SPMIP11: variants seen among roughly 807,000 people sequenced by gnomAD.
SPMIP11 encodes sperm microtubule inner protein 11.
the SPMIP11 span, among the ~76,000 whole-genome samples, chr12:48,757,167 G>C: frequency 6.6e-6 from 1 of 152,020 alleles, no homozygotes; most frequent in Non-Finnish European, 1.5e-5. Context: ...AGAATGGATG[G>C]AACAGCCAAG....
chr12:48,732,186 T>A, the SPMIP11 span, among the ~76,000 whole-genome samples: 1 of 151,786 alleles, frequency 6.6e-6, no homozygotes, highest in East Asian at 1.9e-4. Flanking sequence ...CAAACCCCAT[T>A]GGAGTTATTG....
At chr12:48,770,499 C>T in the SPMIP11 span, among the ~76,000 whole-genome samples, 2 of 152,290 alleles carry the variant, frequency 1.3e-5, no homozygotes. Flanking sequence ...GTTGTTTGAC[C>T]TTGGGCAAGT....
chr12:48,759,363 AG>A, the SPMIP11 span: 13 of 701,614 alleles, frequency 1.9e-5, no homozygotes, highest in Non-Finnish European at 3.4e-5. Flanking sequence ...TCATGCTAGG[AG>A]AAAAAAAGAT....
the SPMIP11 span, among the ~76,000 whole-genome samples, chr12:48,749,079 T>C: frequency 6.6e-6 from 1 of 151,624 alleles, no homozygotes; most frequent in East Asian, 2.0e-4. Flanking sequence ...CTGACCAACA[T>C]GGTGAAACCC....
the SPMIP11 span, among the ~76,000 whole-genome samples, chr12:48,742,853 C>A: frequency 6.6e-6 from 1 of 151,818 alleles, no homozygotes; most frequent in Non-Finnish European, 1.5e-5. Context: ...CCATTGCACT[C>A]CAGACTGGGC....
At chr12:48,736,062 T>A in the SPMIP11 span, 8 of 449,964 alleles carry the variant, frequency 1.8e-5, 1 homozygote, top group Middle Eastern at 2.6e-3. Flanking sequence ...CACTGTAACT[T>A]TTCCTTTCAT....
the SPMIP11 span, chr12:48,768,792 G>C: frequency 1.5e-5 from 23 of 1,579,782 alleles, no homozygotes; most frequent in Non-Finnish European, 1.9e-5. Flanking sequence ...GGGTTCTCTA[G>C]TCAGGCTAGC....
the SPMIP11 span, among the ~76,000 whole-genome samples, chr12:48,753,338 C>T: frequency 2.0e-5 from 3 of 152,230 alleles, no homozygotes; most frequent in Non-Finnish European, 4.4e-5. Flanking sequence ...CTCACTCCAG[C>T]TTATCCCACT....
At chr12:48,765,705 G>A in the SPMIP11 span, 1 of 702,122 alleles carries the variant, frequency 1.4e-6, no homozygotes, top group Non-Finnish European at 2.6e-6. Flanking sequence ...GAGTGCAGAG[G>A]GGGAAAGAAG....
the SPMIP11 span, among the ~76,000 whole-genome samples, chr12:48,733,290 G>A: frequency 2.6e-5 from 4 of 152,004 alleles, no homozygotes; most frequent in East Asian, 7.8e-4. Context: ...GGCCAGGCTG[G>A]TCTCAAACTC....
the SPMIP11 span, among the ~76,000 whole-genome samples, chr12:48,756,505 A>G: frequency 2.0e-5 from 3 of 152,172 alleles, no homozygotes; most frequent in South Asian, 6.2e-4. Flanking sequence ...AGGGACAGAG[A>G]TGATGAATGA....
chr12:48,746,857 T>G, the SPMIP11 span, among the ~76,000 whole-genome samples: 2,153 of 151,502 alleles, frequency 0.014, 36 homozygotes, highest in African/African-American at 0.04. Flanking sequence ...GGAGGCGGAG[T>G]TTGCAGTGAG....
chr12:48,734,877 C>T, the SPMIP11 span, among the ~76,000 whole-genome samples: 1 of 151,460 alleles, frequency 6.6e-6, no homozygotes, highest in Non-Finnish European at 1.5e-5. Context: ...CGGTGGCGGG[C>T]GGCTGTAGTC....
At chr12:48,755,238 G>C in the SPMIP11 span, among the ~76,000 whole-genome samples, 1 of 152,148 alleles carries the variant, frequency 6.6e-6, no homozygotes, top group African/African-American at 2.4e-5. Flanking sequence ...AAGCATTAAA[G>C]GTGGTTTTAT....
At chr12:48,746,603 G>T in the SPMIP11 span, among the ~76,000 whole-genome samples, 1 of 151,876 alleles carries the variant, frequency 6.6e-6, no homozygotes, top group Non-Finnish European at 1.5e-5. Context: ...CTGACCCCGT[G>T]ATCCACCTGC....
At chr12:48,738,119 C>A in the SPMIP11 span, among the ~76,000 whole-genome samples, 2 of 152,114 alleles carry the variant, frequency 1.3e-5, no homozygotes, top group African/African-American at 4.8e-5. Context: ...GCCACCATGT[C>A]TGGCTTAATT....
the SPMIP11 span, among the ~76,000 whole-genome samples, chr12:48,744,154 A>C: frequency 3.3e-5 from 5 of 151,076 alleles, no homozygotes. Flanking sequence ...AGGCCGAGGC[A>C]GGAGAATCGC....
the SPMIP11 span, among the ~76,000 whole-genome samples, chr12:48,758,610 A>T: frequency 6.6e-6 from 1 of 152,196 alleles, no homozygotes; most frequent in African/African-American, 2.4e-5. Flanking sequence ...ATAGGGAGTG[A>T]TTCCCAAACA....
the SPMIP11 span, chr12:48,768,435 A>T: frequency 9.3e-7 from 1 of 1,072,830 alleles, no homozygotes; most frequent in Non-Finnish European, 1.4e-6. Context: ...TTGAGGGCAG[A>T]CGAGCATGAT....
Sources: gnomAD v4.1 joint callset for allele counts (sites outside exome capture counted in the v4.1 genomes callset) on GRCh38, gnomAD v4.1.1 for gene constraint, MANE v1.5 for transcripts, NCBI Gene and HGNC (gene_info 2026-07-23, HGNC 2026-07-21) for gene names.